IQCK: variants seen among roughly 807,000 people sequenced by gnomAD.
The protein encoded by IQCK is IQ motif containing K.
In IQCK, 29 loss-of-function variants were observed where a neutral mutation model predicts 28.1. The observed-to-expected ratio is 1.03, with a 90% CI of 0.77 to 1.41. The LOEUF (loss-of-function observed/expected upper bound fraction) is 1.41. Among genes scored for constraint, IQCK ranks in the 40% most tolerant of loss-of-function variants. The probability of loss-of-function intolerance (pLI) is 0.00; values close to 1 mark genes in which losing one functional copy is unlikely to be tolerated. For missense variants in IQCK, 359 were observed against 314.7 expected, an observed-to-expected ratio of 1.14 and a Z score of -1.07; for synonymous variants, 113 against 115.1, an observed-to-expected ratio of 0.98 and a Z score of 0.12.
chr16:19,766,184 G>A (rs577280963), intron 6 of IQCK: 4 of 152,348 alleles, frequency 2.6e-5, no homozygotes, highest in South Asian at 4.1e-4. Flanking sequence ...TGCAATGAAT[G>A]TCTATCGAAC....
chr16:19,738,200 T>C (rs1048293163), intron 4 of IQCK, among the ~76,000 whole-genome samples: 2 of 152,202 alleles, frequency 1.3e-5, no homozygotes, highest in Non-Finnish European at 1.5e-5. Context: ...TTGATAAATA[T>C]TAAATAAGTG....
chr16:19,757,118 G>C (rs2055063702), intron 4 of IQCK, among the ~76,000 whole-genome samples: 2 of 152,126 alleles, frequency 1.3e-5, no homozygotes. Flanking sequence ...GAAGTAAATT[G>C]AGCATATTTC....
At chr16:19,765,288 A>G (rs1171249928) in intron 6 of IQCK, among the ~76,000 whole-genome samples, 1 of 151,520 alleles carries the variant, frequency 6.6e-6, no homozygotes, top group Non-Finnish European at 1.5e-5. Flanking sequence ...CTGTAATCCC[A>G]ATACTTTGGG....
intron 9 of IQCK, among the ~76,000 whole-genome samples, chr16:19,841,791 A>G (rs1337654207): frequency 6.6e-6 from 1 of 152,068 alleles, no homozygotes; most frequent in Non-Finnish European, 1.5e-5. Context: ...GCTTAGTCCA[A>G]TGCCTCATAA....
intron 7 of IQCK, among the ~76,000 whole-genome samples, chr16:19,806,340 G>A (rs901212658): frequency 6.6e-6 from 1 of 151,974 alleles, no homozygotes; most frequent in Admixed American, 6.6e-5. Context: ...ACTCCAGCCT[G>A]GGTGACAGAG....
At chr16:19,775,599 A>C (rs2055380680) in intron 6 of IQCK, among the ~76,000 whole-genome samples, 1 of 152,238 alleles carries the variant, frequency 6.6e-6, no homozygotes, top group South Asian at 2.1e-4. Context: ...CCAAAATACC[A>C]GTGGCTTAAC....
chr16:19,735,086 A>G (rs1039359074), intron 3 of IQCK, among the ~76,000 whole-genome samples: 2 of 152,014 alleles, frequency 1.3e-5, no homozygotes, highest in African/African-American at 4.8e-5. Flanking sequence ...GCCCCTTGCT[A>G]TTCCTGCTTT....
At chr16:19,728,339 C>T (rs1008112360) in intron 1 of IQCK, among the ~76,000 whole-genome samples, 33 of 152,130 alleles carry the variant, frequency 2.2e-4, no homozygotes, top group Non-Finnish European at 4.0e-4. Context: ...ACCTCCACCT[C>T]CCTGGTTCAA....
At position 19,814,489 on chromosome 16, in the gene IQCK, G is replaced by C. The variant is rs191231207; in HGVS notation, c.691-12537G>C. Among the ~76,000 whole-genome samples the C allele has an allele frequency of 5.2e-4, 79 of 152,058 alleles. 1 individual carries two copies. The highest frequency in any genetic ancestry group is 2.6e-4 in the Non-Finnish European group (18 of 68,014). Reference sequence around the variant, plus strand: ...TGCAGAAAATTCAATGCAACAGAAAGCAGGATAGAAAAAGACAAAATTATG... The same window carrying C: ...TGCAGAAAATTCAATGCAACAGAAACCAGGATAGAAAAAGACAAAATTATG... On this transcript the variant is annotated intron_variant, in intron 7 of 7. Coordinates refer to ENST00000564186, the Ensembl canonical transcript of IQCK.
chr16:19,782,411 A>G (rs994377968), intron 6 of IQCK, among the ~76,000 whole-genome samples: 1 of 151,896 alleles, frequency 6.6e-6, no homozygotes, highest in Admixed American at 6.6e-5. Context: ...AGAAAAGTGA[A>G]GAGCCTGGGC....
intron 9 of IQCK, among the ~76,000 whole-genome samples, chr16:19,843,775 AC>A (rs1226949178): frequency 2.0e-5 from 3 of 152,030 alleles, no homozygotes; most frequent in Admixed American, 2.0e-4. Context: ...TGGTGTCTCT[AC>A]TTCTTCTTCT....
intron 9 of IQCK, among the ~76,000 whole-genome samples, chr16:19,847,661 G>A (rs948744000): frequency 3.3e-5 from 5 of 152,216 alleles, no homozygotes; most frequent in Non-Finnish European, 5.9e-5. Context: ...GTAGCACTCA[G>A]TTGATCTTGT....
At chr16:19,718,579 A>C (rs1977343325) in intron 1 of IQCK, 92 bp downstream of exon 1, 4 of 1,212,820 alleles carry the variant, frequency 3.3e-6, no homozygotes, top group African/African-American at 3.2e-5. Flanking sequence ...CTGTCGGCTG[A>C]CGGGCGGGGC....
chr16:19,783,061 C>A (rs1179828675), intron 6 of IQCK, among the ~76,000 whole-genome samples: 1 of 150,306 alleles, frequency 6.7e-6, no homozygotes, highest in Non-Finnish European at 1.5e-5. Flanking sequence ...TACAGTGGTG[C>A]GATCTTGGCT....
intron 1 of IQCK, among the ~76,000 whole-genome samples, chr16:19,728,463 T>G (rs988466272): frequency 6.6e-6 from 1 of 152,200 alleles, no homozygotes; most frequent in Non-Finnish European, 1.5e-5. Context: ...TTAACCACTC[T>G]GGTCTCAAAC....
chr16:19,747,789 T>G (rs547297458), intron 4 of IQCK, among the ~76,000 whole-genome samples: 2 of 152,314 alleles, frequency 1.3e-5, no homozygotes, highest in South Asian at 4.1e-4. Flanking sequence ...TGCCCCCCAG[T>G]TCCATCCATG....
At chr16:19,828,283 G>C (rs1292883883), downstream of IQCK, among the ~76,000 whole-genome samples, 2 of 143,734 alleles carry the variant, frequency 1.4e-5, no homozygotes, top group African/African-American at 5.2e-5. Flanking sequence ...GCTTAGGCTG[G>C]AGTGCAGTGG....
At chr16:19,769,384 TG>T in intron 6 of IQCK, among the ~76,000 whole-genome samples, 1 of 152,212 alleles carries the variant, frequency 6.6e-6, no homozygotes. Flanking sequence ...AATGTGGTTG[TG>T]AAGATACAGT....
At chr16:19,718,598 A>G (rs1456833297) in intron 1 of IQCK, 111 bp downstream of exon 1, 1 of 1,021,356 alleles carries the variant, frequency 9.8e-7, no homozygotes, top group Non-Finnish European at 1.3e-6. Context: ...GCCGCCGGGC[A>G]GCGGCTCCGC....
Sources: allele counts gnomAD v4.1 joint callset (sites outside exome capture counted in the v4.1 genomes callset), GRCh38; gene constraint gnomAD v4.1.1; transcripts MANE v1.5; gene names NCBI Gene and HGNC (gene_info 2026-07-23, HGNC 2026-07-21).